The following DLGAP2 variants were observed in gnomAD, a reference collection of about 807,000 sequenced individuals.
DLGAP2 encodes DLG associated protein 2.
DLGAP2 carries 26 observed loss-of-function variants against 100.3 expected under a neutral mutation model. That is an observed-to-expected ratio of 0.26 (90% CI 0.19 to 0.36). The LOEUF (loss-of-function observed/expected upper bound fraction) is 0.36, where lower values mean the gene tolerates loss of function less well. DLGAP2 is among the 10% of genes least tolerant of loss of function. The pLI, the probability that DLGAP2 is intolerant of heterozygous loss-of-function variation, is 1.00. For synonymous variants in DLGAP2, 886 were observed against 630.1 expected (o/e 1.41, Z -6.08); for missense variants, 1,858 against 1,453.2 (o/e 1.28, Z -4.53).
intron 8 of DLGAP2, among the ~76,000 whole-genome samples, chr8:1,655,164 C>T (rs937932759): frequency 7.2e-5 from 11 of 152,248 alleles, no homozygotes; most frequent in Non-Finnish European, 1.0e-4. Flanking sequence ...TTTCTTGTAA[C>T]TTCAGGAAAA....
chr8:1,555,809 G>C (rs1400234216), intron 5 of DLGAP2, among the ~76,000 whole-genome samples: 1 of 152,246 alleles, frequency 6.6e-6, no homozygotes, highest in Admixed American at 6.5e-5. Context: ...AGCAATGTTT[G>C]TTGAAATGCT....
At chr8:1,507,458 A>C (rs1467450833) in intron 4 of DLGAP2, among the ~76,000 whole-genome samples, 1 of 152,112 alleles carries the variant, frequency 6.6e-6, no homozygotes, top group Non-Finnish European at 1.5e-5. Context: ...GGGGCCGCGG[A>C]GCCCGCGCCC....
At chr8:807,236 C>T (rs532657835) in intron 1 of DLGAP2, among the ~76,000 whole-genome samples, 5 of 151,886 alleles carry the variant, frequency 3.3e-5, no homozygotes, top group Admixed American at 3.3e-4. Context: ...TAAGTTCTCT[C>T]TCCTCTTTTT....
chr8:1,090,365 G>A (rs1350386464), intron 2 of DLGAP2, among the ~76,000 whole-genome samples: 4 of 132,820 alleles, frequency 3.0e-5, no homozygotes, highest in Admixed American at 8.5e-5. Context: ...GCCAGGCAGG[G>A]GTGGAAACTC....
intron 4 of DLGAP2, among the ~76,000 whole-genome samples, chr8:1,515,863 C>A (rs1025483811): frequency 6.6e-6 from 1 of 152,250 alleles, no homozygotes; most frequent in African/African-American, 2.4e-5. Context: ...AATTCCTTTC[C>A]CTTTTCCTCC....
chr8:967,884 A>C (rs1799919632), intron 2 of DLGAP2, among the ~76,000 whole-genome samples: 1 of 103,458 alleles, frequency 9.7e-6, no homozygotes, highest in South Asian at 3.6e-4. Flanking sequence ...AAATACTTTA[A>C]ACTCCCTAGA....
rs544875146 is a variant in DLGAP2, at chr8:1,362,015, G to A, written c.106+103132G>A. ...CTGCAGAGGTGGAATGGCCCCTTCC[G>A]TGCTACGGTGGCAAGTTCGGTGTCT... On this transcript the variant is annotated intron_variant, in intron 3 of 14. Transcript: ENST00000637795. Among the ~76,000 whole-genome samples, 21 of 152,322 alleles carry A rather than the reference G, an allele frequency of 1.4e-4. No individual in the cohort carries two copies. In the South Asian group the frequency reaches 3.1e-3, roughly 23 times the overall value.
chr8:1,392,392 G>C (rs1283021301), intron 3 of DLGAP2, among the ~76,000 whole-genome samples: 1 of 152,102 alleles, frequency 6.6e-6, no homozygotes, highest in African/African-American at 2.4e-5. Context: ...ATCAACTCGC[G>C]GCACTCGGGG....
At chr8:840,577 C>T (rs1308701573) in intron 1 of DLGAP2, among the ~76,000 whole-genome samples, 8 of 77,614 alleles carry the variant, frequency 1.0e-4, no homozygotes, top group Non-Finnish European at 1.4e-4. Context: ...ACACGGTGCA[C>T]GCCTGCACGT....
intron 2 of DLGAP2, among the ~76,000 whole-genome samples, chr8:1,120,206 C>A (rs13272049): frequency 0.29 from 44,174 of 152,018 alleles, 7,369 homozygotes; most frequent in Non-Finnish European, 0.39. Flanking sequence ...AGGAAGAGAG[C>A]CATCCTCCAT....
chr8:1,409,260 G>T (rs1169806632), intron 3 of DLGAP2, among the ~76,000 whole-genome samples: 2 of 148,538 alleles, frequency 1.3e-5, no homozygotes, highest in Non-Finnish European at 1.5e-5. Context: ...CTGGCCCTGA[G>T]CACAGAATTG....
intron 1 of DLGAP2, among the ~76,000 whole-genome samples, chr8:826,108 A>G (rs1796681192): frequency 1.3e-5 from 2 of 152,242 alleles, no homozygotes; most frequent in Admixed American, 1.3e-4. Context: ...TATTTCACAT[A>G]ACACAATCAA....
intron 1 of DLGAP2, among the ~76,000 whole-genome samples, chr8:784,384 A>C (rs945612582): frequency 6.6e-6 from 1 of 152,236 alleles, no homozygotes; most frequent in African/African-American, 2.4e-5. Flanking sequence ...AGAGAGGAAA[A>C]CGTCTTTTAA....
At chr8:1,646,075 A>T (rs1393755704) in intron 8 of DLGAP2, among the ~76,000 whole-genome samples, 1 of 152,212 alleles carries the variant, frequency 6.6e-6, no homozygotes, top group Non-Finnish European at 1.5e-5. Flanking sequence ...ATATCTGGTT[A>T]AACATTATTG....
At chr8:898,522 A>G (rs560637361) in intron 1 of DLGAP2, among the ~76,000 whole-genome samples, 1 of 152,166 alleles carries the variant, frequency 6.6e-6, no homozygotes, top group South Asian at 2.1e-4. Flanking sequence ...TTCTCTAGTC[A>G]CGGAGACATG....
At chr8:1,121,219 C>T (rs1470179284) in intron 2 of DLGAP2, among the ~76,000 whole-genome samples, 1 of 150,194 alleles carries the variant, frequency 6.7e-6, no homozygotes, top group African/African-American at 2.5e-5. Flanking sequence ...ACCTCCCATC[C>T]TTGTCCAGTT....
chr8:855,767 T>C (rs1432269797), intron 1 of DLGAP2, among the ~76,000 whole-genome samples: 1 of 152,218 alleles, frequency 6.6e-6, no homozygotes, highest in East Asian at 1.9e-4. Flanking sequence ...TCAGTTGATG[T>C]AATCATCGCA....
chr8:1,151,471 C>T (rs969842686), intron 2 of DLGAP2, among the ~76,000 whole-genome samples: 2 of 152,144 alleles, frequency 1.3e-5, no homozygotes, highest in Admixed American at 6.5e-5. Flanking sequence ...ACGGTGAACA[C>T]GTGCGAAGAT....
intron 10 of DLGAP2, among the ~76,000 whole-genome samples, chr8:1,670,226 A>C (rs1477279666): frequency 6.6e-6 from 1 of 152,156 alleles, no homozygotes; most frequent in Non-Finnish European, 1.5e-5. Context: ...TGCAGTACCG[A>C]CTTTATCTGA....
Sources: gnomAD v4.1 joint callset for allele counts (sites outside exome capture counted in the v4.1 genomes callset) on GRCh38, gnomAD v4.1.1 for gene constraint, MANE v1.5 for transcripts, NCBI Gene and HGNC (gene_info 2026-07-23, HGNC 2026-07-21) for gene names.